Variants in SLC4A4 observed in about 807,000 individuals in gnomAD.
SLC4A4 encodes electrogenic sodium bicarbonate cotransporter 1.
A neutral mutation model predicts 111.5 loss-of-function variants in SLC4A4; 27 were observed. The observed-to-expected ratio is 0.24, with a 90% CI of 0.18 to 0.33. The LOEUF is 0.33. Among genes scored for constraint, SLC4A4 ranks in the 10% least tolerant of loss-of-function variants. The pLI is 1.00. For missense variants in SLC4A4, 909 were observed against 1,315.5 expected, an observed-to-expected ratio of 0.69 and a Z score of 4.78; for synonymous variants, 443 against 463.4, an observed-to-expected ratio of 0.96 and a Z score of 0.57.
At chr4:71,351,031 A>C (rs1309563048) in intron 5 of SLC4A4, among the ~76,000 whole-genome samples, 1 of 152,208 alleles carries the variant, frequency 6.6e-6, no homozygotes, top group African/African-American at 2.4e-5. Flanking sequence ...CTACTGATAG[A>C]AAATGGAAAC....
At chr4:71,407,260 G>T (rs1318546569) in intron 7 of SLC4A4, among the ~76,000 whole-genome samples, 2 of 152,074 alleles carry the variant, frequency 1.3e-5, no homozygotes, top group Non-Finnish European at 2.9e-5. Flanking sequence ...ATTTTTAAGG[G>T]TCTTATGGTG....
rs945772011 is a variant in SLC4A4, at chr4:71,377,288, A to G, written c.730+20101A>G. On this transcript the variant is annotated intron_variant, in intron 6 of 25. Transcript: ENST00000264485. Reference sequence around the variant, plus strand: ...ATATATGCTGAATGAATGAATGAACAATAGAACCAGATGGTTCAAATCAGG... The same window carrying G: ...ATATATGCTGAATGAATGAATGAACGATAGAACCAGATGGTTCAAATCAGG... Among the ~76,000 whole-genome samples the G allele has an allele frequency of 2.6e-5, 4 of 152,238 alleles. 1 individual carries two copies. In the South Asian group the frequency reaches 8.3e-4, roughly 32 times the overall value.
intron 7 of SLC4A4, among the ~76,000 whole-genome samples, chr4:71,425,352 T>C (rs1577869251): frequency 6.6e-6 from 1 of 152,158 alleles, no homozygotes; most frequent in African/African-American, 2.4e-5. Context: ...AACAGGCTGG[T>C]GGTTGTACTA....
intron 14 of SLC4A4, among the ~76,000 whole-genome samples, chr4:71,479,491 C>T (rs1464998645): frequency 6.6e-6 from 1 of 151,564 alleles, no homozygotes; most frequent in East Asian, 1.9e-4. Flanking sequence ...CCCTGTGTTC[C>T]CATATTATAG....
intron 12 of SLC4A4, among the ~76,000 whole-genome samples, chr4:71,456,132 T>C (rs1726243669): frequency 6.6e-6 from 1 of 152,194 alleles, no homozygotes. Flanking sequence ...CAGATGTAAT[T>C]TGATTATTTT....
At chr4:71,152,805 CA>C (rs997493896) in intron 2 of SLC4A4, among the ~76,000 whole-genome samples, 4 of 151,358 alleles carry the variant, frequency 2.6e-5, no homozygotes, top group African/African-American at 9.7e-5. Flanking sequence ...ATGCTTATTT[CA>C]CCTTCATTTC....
chr4:71,120,910 TTGCGGGGAGG>T (rs1466138968), intron 2 of SLC4A4, among the ~76,000 whole-genome samples: 2 of 152,140 alleles, frequency 1.3e-5, no homozygotes, highest in African/African-American at 4.8e-5. Flanking sequence ...CTCCCTCTGC[TTGCGGGGAGG>T]TGTGGAGGGA....
intron 2 of SLC4A4, among the ~76,000 whole-genome samples, chr4:71,254,563 C>T (rs1044821172): frequency 2.6e-5 from 4 of 151,736 alleles, no homozygotes; most frequent in Admixed American, 6.6e-5. Context: ...CTAGTGTGAA[C>T]GTTTGAGTAT....
chr4:71,278,878 A>G (rs1248283242), intron 3 of SLC4A4, among the ~76,000 whole-genome samples: 1 of 152,196 alleles, frequency 6.6e-6, no homozygotes. Flanking sequence ...CTTATCAGAT[A>G]TATGGCTTGA....
intron 1 of SLC4A4, among the ~76,000 whole-genome samples, chr4:71,205,868 C>G (rs1270374543): frequency 1.3e-5 from 2 of 152,136 alleles, no homozygotes; most frequent in Non-Finnish European, 2.9e-5. Context: ...AGGTAATGAT[C>G]AAGATTATTT....
At chr4:71,140,050 C>T (rs1420447485) in intron 2 of SLC4A4, among the ~76,000 whole-genome samples, 3 of 152,194 alleles carry the variant, frequency 2.0e-5, no homozygotes, top group African/African-American at 7.2e-5. Context: ...TCCAGCTTCT[C>T]CCTTTTCTTG....
intron 4 of SLC4A4, among the ~76,000 whole-genome samples, chr4:71,340,770 C>T (rs560856616): frequency 5.8e-4 from 88 of 151,818 alleles, no homozygotes; most frequent in Admixed American, 5.1e-3. Context: ...ATGCCTATTA[C>T]ATATTATATA....
intron 3 of SLC4A4, among the ~76,000 whole-genome samples, chr4:71,291,775 T>C (rs1724371096): frequency 6.6e-6 from 1 of 152,226 alleles, no homozygotes; most frequent in Non-Finnish European, 1.5e-5. Flanking sequence ...ATTAAAATTC[T>C]CTTTGCTGTA....
intron 2 of SLC4A4, among the ~76,000 whole-genome samples, chr4:71,168,526 T>A (rs1444606506): frequency 6.6e-6 from 1 of 152,160 alleles, no homozygotes; most frequent in Non-Finnish European, 1.5e-5. Flanking sequence ...ATAGTCAAAC[T>A]GTTGTGCTAG....
chr4:71,564,072 T>G (rs1416914729), intron 24 of SLC4A4, among the ~76,000 whole-genome samples, 183 bp downstream of exon 24: 2 of 151,942 alleles, frequency 1.3e-5, no homozygotes, highest in Non-Finnish European at 2.9e-5. Flanking sequence ...ATTCTTCCTT[T>G]TATCCATAAA....
intron 1 of SLC4A4, among the ~76,000 whole-genome samples, chr4:71,216,494 A>C (rs956704832): frequency 1.3e-5 from 2 of 152,122 alleles, no homozygotes; most frequent in Non-Finnish European, 2.9e-5. Flanking sequence ...TCCTCTGACT[A>C]TTATCAACAA....
At chr4:71,536,490 A>G (rs1161326461) in intron 18 of SLC4A4, among the ~76,000 whole-genome samples, 3 of 128,302 alleles carry the variant, frequency 2.3e-5, no homozygotes, top group Non-Finnish European at 5.0e-5. Context: ...ATATATATGT[A>G]TATATTTATT....
intron 1 of SLC4A4, among the ~76,000 whole-genome samples, chr4:71,200,733 C>A (rs1746210467): frequency 6.6e-6 from 1 of 151,848 alleles, no homozygotes. Context: ...GTGCAGCAAA[C>A]CACCATGGCA....
At chr4:71,178,549 A>G (rs1196125164) in intron 2 of SLC4A4, among the ~76,000 whole-genome samples, 1 of 152,208 alleles carries the variant, frequency 6.6e-6, no homozygotes, top group African/African-American at 2.4e-5. Flanking sequence ...CAGAAATACA[A>G]ACTACCATCA....
Sources: gnomAD v4.1 joint callset for allele counts (sites outside exome capture counted in the v4.1 genomes callset) on GRCh38, gnomAD v4.1.1 for gene constraint, MANE v1.5 for transcripts, NCBI Gene and HGNC (gene_info 2026-07-23, HGNC 2026-07-21) for gene names.